Variants in DHRS4L2 observed in about 807,000 individuals in gnomAD.
DHRS4L2 encodes dehydrogenase/reductase SDR family member 4-like 2.
A neutral mutation model predicts 23.9 loss-of-function variants in DHRS4L2; 22 were observed. That is an observed-to-expected ratio of 0.92 (90% CI 0.66 to 1.31). The LOEUF is 1.31. DHRS4L2 is among the 40% of genes most tolerant of loss of function. DHRS4L2 has a pLI of 0.00. For synonymous variants in DHRS4L2, 141 were observed against 123.7 expected (o/e 1.14, Z -0.93); for missense variants, 385 against 303.3 (o/e 1.27, Z -2.00).
chr14:23,984,670 G>C (rs533978374), upstream of DHRS4L2, among the ~76,000 whole-genome samples: 2 of 150,948 alleles, frequency 1.3e-5, no homozygotes, highest in African/African-American at 4.9e-5. Context: ...TGTTGTGCTA[G>C]CTCACCAGGT....
At chr14:23,996,023 C>A (rs1371565138) in intron 3 of DHRS4L2, among the ~76,000 whole-genome samples, 1 of 151,676 alleles carries the variant, frequency 6.6e-6, no homozygotes, top group Non-Finnish European at 1.5e-5. Context: ...CCTCAGGAAG[C>A]TTACAATCAT....
chr14:23,976,771 G>C (rs558317236), intron 1 of DHRS4L2, among the ~76,000 whole-genome samples: 28 of 151,974 alleles, frequency 1.8e-4, no homozygotes, highest in African/African-American at 6.0e-4. Context: ...ATACTATGCA[G>C]CCATAAAAAA....
intron 1 of DHRS4L2, among the ~76,000 whole-genome samples, chr14:23,978,330 T>C (rs975878757): frequency 6.8e-6 from 1 of 146,526 alleles, no homozygotes; most frequent in African/African-American, 2.6e-5. Context: ...CACAATAGAA[T>C]ACTGTACAGC....
chr14:23,995,785 A>G (rs2138548144), intron 3 of DHRS4L2, among the ~76,000 whole-genome samples: 1 of 151,912 alleles, frequency 6.6e-6, no homozygotes, highest in Middle Eastern at 3.4e-3. Context: ...CTTTAATTAA[A>G]ATATTTGTCT....
intron 1 of DHRS4L2, among the ~76,000 whole-genome samples, chr14:23,980,496 A>G (rs1351031872): frequency 2.1e-5 from 3 of 140,682 alleles, no homozygotes; most frequent in Non-Finnish European, 4.6e-5. Flanking sequence ...CAGAGACACA[A>G]CAAAAGAAAG....
At chr14:23,983,562 C>T (rs1465790957) in intron 1 of DHRS4L2, among the ~76,000 whole-genome samples, 1 of 151,656 alleles carries the variant, frequency 6.6e-6, no homozygotes, top group Non-Finnish European at 1.5e-5. Flanking sequence ...AATCATTCTA[C>T]TATAAAGACA....
chr14:23,983,694 T>C (rs1594457980), intron 1 of DHRS4L2, among the ~76,000 whole-genome samples: 1 of 151,790 alleles, frequency 6.6e-6, no homozygotes, highest in South Asian at 2.1e-4. Context: ...TGGAATACTA[T>C]GCAGCCATAA....
intron 1 of DHRS4L2, chr14:23,970,479 G>A (rs1268602688): frequency 2.8e-6 from 1 of 351,856 alleles, no homozygotes; most frequent in East Asian, 7.6e-5. Context: ...CTCTAACTGG[G>A]CGGAACCCAC....
upstream of DHRS4L2, chr14:23,988,729 C>T (rs1467525372): frequency 7.5e-6 from 10 of 1,333,000 alleles, no homozygotes; most frequent in Non-Finnish European, 9.7e-6. Context: ...GATCACTCAC[C>T]AGCCCGGGAA....
At chr14:23,981,586 G>C (rs760232482) in intron 1 of DHRS4L2, among the ~76,000 whole-genome samples, 4 of 151,728 alleles carry the variant, frequency 2.6e-5, no homozygotes, top group Non-Finnish European at 5.9e-5. Flanking sequence ...ACAAAGTATA[G>C]AGAAAGAAAA....
intron 1 of DHRS4L2, among the ~76,000 whole-genome samples, chr14:23,981,864 A>T (rs1475022301): frequency 2.0e-5 from 3 of 151,722 alleles, no homozygotes; most frequent in Non-Finnish European, 4.4e-5. Context: ...CAGTGGAGTA[A>T]AGAATAACAA....
intron 1 of DHRS4L2, 87 bp downstream of exon 1, chr14:23,989,162 C>G: frequency 6.6e-7 from 1 of 1,521,294 alleles, no homozygotes; most frequent in East Asian, 2.5e-5. Context: ...TGCCCCTGTC[C>G]TCAGACCTCA....
At chr14:23,991,861 G>A (rs1389189761) in intron 2 of DHRS4L2, among the ~76,000 whole-genome samples, 5 of 150,612 alleles carry the variant, frequency 3.3e-5, no homozygotes, top group East Asian at 1.9e-4. Context: ...TCAGCCTCCC[G>A]AGTAGCTAGG....
In DHRS4L2 at chr14:23,979,174, C is replaced by G. The variant is rs953262673; in HGVS notation, c.-176+8842C>G. ...GGTCTCCGATAAAACAGACTTTAAACCAACAAAGATCAAAAGAGACAAGGC... is the reference window on the plus strand; with the variant it reads ...GGTCTCCGATAAAACAGACTTTAAAGCAACAAAGATCAAAAGAGACAAGGC... On this transcript the variant is annotated intron_variant, in intron 1 of 5. Transcript: ENST00000534993. 1.5e-4 allele frequency among the ~76,000 whole-genome samples: 23 copies of G among 148,942 alleles called. 4 individuals carry two copies. The highest frequency in any genetic ancestry group is 5.7e-4 in the African/African-American group (23 of 40,252).
At chr14:23,981,307 CACAA>C (rs771123071) in intron 1 of DHRS4L2, among the ~76,000 whole-genome samples, 6 of 151,576 alleles carry the variant, frequency 4.0e-5, no homozygotes, top group Admixed American at 3.3e-4. Context: ...TAAGTGAGGA[CACAA>C]ACAAATGGAA....
intron 1 of DHRS4L2, among the ~76,000 whole-genome samples, chr14:23,980,716 T>A (rs2034035855): frequency 6.6e-6 from 1 of 150,798 alleles, no homozygotes; most frequent in Non-Finnish European, 1.5e-5. Flanking sequence ...CATGATTATC[T>A]CAATAGATGC....
chr14:23,976,726 T>A (rs1225615811), intron 1 of DHRS4L2, among the ~76,000 whole-genome samples: 2 of 151,772 alleles, frequency 1.3e-5, no homozygotes, highest in Non-Finnish European at 2.9e-5. Flanking sequence ...AATGATAGAC[T>A]GGATAAAGGA....
chr14:24,001,178 G>T, intron 5 of DHRS4L2, 94 bp downstream of exon 5: 1 of 1,604,616 alleles, frequency 6.2e-7, no homozygotes, highest in Non-Finnish European at 8.5e-7. Flanking sequence ...TCCCCTTGTA[G>T]AATCACACCA....
chr14:23,972,146 T>C (rs918701435), intron 1 of DHRS4L2, among the ~76,000 whole-genome samples: 9 of 152,038 alleles, frequency 5.9e-5, no homozygotes, highest in South Asian at 4.2e-4. Context: ...TGGTGGGTTC[T>C]TGGTCTCACT....
Sources: allele counts gnomAD v4.1 joint callset (sites outside exome capture counted in the v4.1 genomes callset), GRCh38; gene constraint gnomAD v4.1.1; transcripts MANE v1.5; gene names NCBI Gene and HGNC (gene_info 2026-07-23, HGNC 2026-07-21).